ZMYM1: variants seen among roughly 807,000 people sequenced by gnomAD.
The protein encoded by ZMYM1 is zinc finger MYM-type containing 1.
In ZMYM1, 39 loss-of-function variants were observed where a neutral mutation model predicts 60.0. The ratio of observed to expected loss-of-function variants is 0.65; its 90% CI spans 0.50 to 0.85. ZMYM1 has a LOEUF of 0.85. Among genes scored for constraint, ZMYM1 ranks in the 40% least tolerant of loss-of-function variants. The pLI is 0.00. For missense variants in ZMYM1, 1,171 were observed against 1,309.5 expected (o/e 0.89, Z 1.63); for synonymous variants, 413 against 454.0 (o/e 0.91, Z 1.15).
At position 35,104,770 on chromosome 1, in the gene ZMYM1, G is replaced by A. The variant is rs1234785865; in HGVS notation, c.807+1G>A. The A allele has an allele frequency of 6.2e-7, 1 of 1,608,168 alleles. No homozygotes were observed. Among genetic ancestry groups the A allele is most frequent in the Non-Finnish European group, 8.5e-7 (1 of 1,175,022 alleles). ...AAAGAGTATTACAGCATATAAGCAG[G>A]TATGAATAAAGACCTATTGTTTCTT... is the stretch of plus-strand genomic sequence containing the variant. On this transcript the variant is annotated splice_donor_variant, in intron 6 of 9. Transcript: ENST00000359858. LOFTEE classifies it high-confidence loss of function.
intron 4 of ZMYM1, among the ~76,000 whole-genome samples, chr1:35,103,126 A>G (rs529839520): frequency 2.0e-5 from 3 of 152,316 alleles, no homozygotes; most frequent in East Asian, 1.9e-4. Flanking sequence ...TGAAATTTGT[A>G]TACCAAGAAA....
intron 1 of ZMYM1, among the ~76,000 whole-genome samples, chr1:35,088,899 C>T (rs1053842456): frequency 2.0e-5 from 3 of 149,158 alleles, no homozygotes; most frequent in African/African-American, 7.4e-5. Flanking sequence ...GCAACCTCTG[C>T]CTCCCAGATT....
chr1:35,070,709 G>C (rs539480799), intron 1 of ZMYM1, among the ~76,000 whole-genome samples: 4 of 151,956 alleles, frequency 2.6e-5, no homozygotes, highest in Non-Finnish European at 5.9e-5. Context: ...GCTAATATTA[G>C]CTGTGGGTTT....
intron 1 of ZMYM1, among the ~76,000 whole-genome samples, chr1:35,060,176 A>ATTATTT (rs1553135164): frequency 7.9e-4 from 117 of 148,774 alleles, no homozygotes; most frequent in African/African-American, 2.8e-3. Flanking sequence ...TATTATTATT[A>ATTATTT]TTATTATTTT....
Position 35,115,221 on chromosome 1 carries a change from A to G in ZMYM1, c.3391A>G (p.Ile1131Val). Residue 1131 changes from isoleucine (I) to valine (V), a missense_variant, in exon 10 of 10, where the codon ATT becomes GTT. By Grantham distance (29) the Ile-to-Val change is conservative (BLOSUM62 3). Transcript: ENST00000359858. ...AATGGAGCCTGAAAGACTCAATGAA[A>G]TTGTGGAAAAGTTTATCAGTCAGAT... ...KLMEPERLNE[I>V]VEKFISQMKE... The G allele has an allele frequency of 4.4e-6, 7 of 1,599,416 alleles. No homozygotes were observed. Among genetic ancestry groups the G allele is most frequent in the Non-Finnish European group, 3.4e-6 (4 of 1,175,992 alleles).
At chr1:35,107,356 C>T (rs1643926635) in intron 6 of ZMYM1, among the ~76,000 whole-genome samples, 1 of 150,650 alleles carries the variant, frequency 6.6e-6, no homozygotes, top group East Asian at 2.0e-4. Context: ...GTAGTCCCAG[C>T]TACTCTGGAG....
At position 35,085,045 on chromosome 1, in the gene ZMYM1, T is replaced by G. The variant is rs143371852; in HGVS notation, c.-75+5603T>G. On this transcript the variant is annotated intron_variant, in intron 1 of 9. Transcript: ENST00000359858. ...CTGGATTTATCCGTTTTTTGTTTTG[T>G]TTTGGTTTGGTTTTTTTTTGGAGAC... 4.5e-3 allele frequency among the ~76,000 whole-genome samples: 687 copies of G among 151,976 alleles called. 2 individuals are homozygous for G. Among genetic ancestry groups the G allele is most frequent in the Middle Eastern group, 0.017 (5 of 294 alleles).
At chr1:35,107,446 G>A (rs1643930359) in intron 6 of ZMYM1, among the ~76,000 whole-genome samples, 1 of 148,340 alleles carries the variant, frequency 6.7e-6, no homozygotes, top group South Asian at 2.2e-4. Flanking sequence ...TCCAGCCTGG[G>A]CGACAGAGCG....
At chr1:35,064,939 T>C (rs1429559074) in intron 1 of ZMYM1, among the ~76,000 whole-genome samples, 2 of 152,152 alleles carry the variant, frequency 1.3e-5, no homozygotes, top group Non-Finnish European at 2.9e-5. Context: ...CCTCCCAAAG[T>C]GCTGGGCTTA....
chr1:35,115,277 T>C lies in ZMYM1; in HGVS notation c.*18T>C, dbSNP rs1644231418. The C allele has an allele frequency of 6.5e-7, 1 of 1,527,000 alleles. No homozygotes were observed. The highest frequency in any genetic ancestry group is 8.7e-7 in the Non-Finnish European group (1 of 1,145,136). The allele number at this position is 1,527,000 out of a possible 1,614,324, so 94.6% of individuals were successfully genotyped here. On this transcript the variant is annotated 3_prime_UTR_variant, in exon 10 of 10. Transcript: ENST00000359858. Reference sequence around the variant, plus strand: ...AAATATAATACATGCTCATTTGAACTTACCTAAAAGACTTGTATTTCCATT... The same window carrying C: ...AAATATAATACATGCTCATTTGAACCTACCTAAAAGACTTGTATTTCCATT...
intron 1 of ZMYM1, among the ~76,000 whole-genome samples, chr1:35,065,648 A>C (rs188665536): frequency 2.0e-5 from 3 of 151,684 alleles, no homozygotes; most frequent in African/African-American, 7.3e-5. Context: ...CTTCCATCTT[A>C]AGAAGTTAGA....
At chr1:35,088,359 A>G (rs1569897301) in intron 1 of ZMYM1, among the ~76,000 whole-genome samples, 1 of 150,096 alleles carries the variant, frequency 6.7e-6, no homozygotes, top group East Asian at 2.0e-4. Flanking sequence ...TGGAGGTTGC[A>G]GTGAGCCGTG....
intron 4 of ZMYM1, among the ~76,000 whole-genome samples, chr1:35,103,571 G>C (rs1643766731): frequency 6.6e-6 from 1 of 152,064 alleles, no homozygotes; most frequent in South Asian, 2.1e-4. Flanking sequence ...ATGAACATTT[G>C]GGCTGTTTTC....
chr1:35,105,122 C>CTTCCTTTTTTT, intron 6 of ZMYM1, among the ~76,000 whole-genome samples: 1 of 125,202 alleles, frequency 8.0e-6, no homozygotes, highest in Non-Finnish European at 1.7e-5. Context: ...TATTTTATTT[C>CTTCCTTTTTTT]TTTCTTTTTT....
intron 1 of ZMYM1, 70 bp from the exon 2 acceptor site, chr1:35,093,844 G>A (rs546530638): frequency 8.7e-5 from 48 of 551,674 alleles, no homozygotes; most frequent in Middle Eastern, 8.9e-4. Flanking sequence ...CCCTTTTGTG[G>A]TTCTAGAAAA....
Position 35,113,600 on chromosome 1 carries a change from A to G in ZMYM1, c.1770A>G (p.Leu590=), listed in dbSNP as rs1251454067. Reference sequence around the variant, plus strand: ...ATAAAGGCAATTTTTTAGAATTGTTAGAAATGAGAGCAAAAGATAAAGGAG... The same window carrying G: ...ATAAAGGCAATTTTTTAGAATTGTTGGAAATGAGAGCAAAAGATAAAGGAG... ...SVNKGNFLEL[L]EMRAKDKGEE... Residue 590 remains leucine (L), a synonymous_variant, in exon 10 of 10, where the codon TTA becomes TTG. Transcript: ENST00000359858. 6.2e-7 allele frequency: 1 copy of G among 1,613,876 alleles called. No individual in the cohort carries two copies. The highest frequency in any genetic ancestry group is 8.5e-7 in the Non-Finnish European group (1 of 1,179,890).
Position 35,114,640 on chromosome 1 carries a change from AAAG to A in ZMYM1, c.2816_2818del (p.Arg939del). ...AAAGTTGAAAAACCTTCTCTTCAGA[AAAG>A]AAGAAAAATTCAGAAATCAGTAGAT... On this transcript the variant is annotated inframe_deletion, in exon 10 of 10. Coordinates refer to ENST00000359858, the MANE Select transcript of ZMYM1 (RefSeq NM_024772.5). 6.3e-7 allele frequency: 1 copy of A among 1,599,310 alleles called. No homozygotes were observed. The highest frequency in any genetic ancestry group is 1.1e-5 in the South Asian group (1 of 87,126).
At chr1:35,118,488 G>A (rs896918732), downstream of ZMYM1, among the ~76,000 whole-genome samples, 1 of 152,096 alleles carries the variant, frequency 6.6e-6, no homozygotes, top group African/African-American at 2.4e-5. Context: ...CACTTTGGGA[G>A]GCCGAGGTGG....
intron 7 of ZMYM1, 84 bp downstream of exon 7, chr1:35,110,531 T>G (rs1217208145): frequency 2.6e-6 from 3 of 1,149,974 alleles, no homozygotes; most frequent in Non-Finnish European, 3.4e-6. Context: ...CTTGATTCAT[T>G]TTCAAATTAA....
Sources: allele counts gnomAD v4.1 joint callset (sites outside exome capture counted in the v4.1 genomes callset), GRCh38; gene constraint gnomAD v4.1.1; transcripts MANE v1.5; gene names NCBI Gene and HGNC (gene_info 2026-07-23, HGNC 2026-07-21).